Variants in ATG4C observed in about 807,000 individuals in gnomAD.
ATG4C encodes the protein cysteine protease ATG4C.
A neutral mutation model predicts 57.6 loss-of-function variants in ATG4C; 56 were observed. That is an observed-to-expected ratio of 0.97 (90% CI 0.78 to 1.21). The LOEUF is 1.21. Ranked by LOEUF, ATG4C falls within the 50% of genes most tolerant of loss-of-function variation. The probability of loss-of-function intolerance (pLI) is 0.00; values close to 1 mark genes in which losing one functional copy is unlikely to be tolerated. For synonymous variants in ATG4C, 157 were observed against 174.1 expected (o/e 0.90, Z 0.78); for missense variants, 595 against 529.8 (o/e 1.12, Z -1.21).
rs950670423 is a variant in ATG4C, at chr1:62,865,103, G to A, written c.*944G>A. 1 of 151,890 alleles carries A rather than the reference G, an allele frequency of 6.6e-6. No individual in the cohort carries two copies. Among genetic ancestry groups the A allele is most frequent in the Non-Finnish European group, 1.5e-5 (1 of 67,824 alleles). 9.4% of individuals were successfully genotyped at this position (151,890 alleles called of 1,614,324 possible). ...AAATTTGTGATCTAAAAGTACAAGA[G>A]TGATTTTTGAGCTAGGATTATAAAA... On this transcript the variant is annotated 3_prime_UTR_variant, in exon 11 of 11. Coordinates refer to ENST00000317868, the MANE Select transcript of ATG4C (RefSeq NM_032852.4).
At chr1:62,801,533 G>A (rs1353846725) in intron 1 of ATG4C, among the ~76,000 whole-genome samples, 1 of 152,180 alleles carries the variant, frequency 6.6e-6, no homozygotes, top group Non-Finnish European at 1.5e-5. Context: ...AGCACTTTGG[G>A]AGACCAAGGT....
At chr1:62,796,815 C>T (rs950060727) in intron 1 of ATG4C, among the ~76,000 whole-genome samples, 2 of 151,906 alleles carry the variant, frequency 1.3e-5, no homozygotes, top group African/African-American at 2.4e-5. Flanking sequence ...TTCTTAGATG[C>T]CAACATTATG....
chr1:62,858,346 C>T (rs1439078390), intron 10 of ATG4C, among the ~76,000 whole-genome samples: 1 of 152,188 alleles, frequency 6.6e-6, no homozygotes, highest in Non-Finnish European at 1.5e-5. Context: ...CAGAACAAAA[C>T]TACCTATGCT....
intron 1 of ATG4C, among the ~76,000 whole-genome samples, chr1:62,793,163 G>A (rs1302642348): frequency 1.3e-5 from 2 of 151,872 alleles, no homozygotes; most frequent in Admixed American, 1.3e-4. Context: ...TGGGACTACA[G>A]GCGTGAGCCA....
At chr1:62,842,364 C>T (rs962021316) in intron 10 of ATG4C, among the ~76,000 whole-genome samples, 13 of 149,580 alleles carry the variant, frequency 8.7e-5, no homozygotes, top group South Asian at 2.1e-4. Context: ...TGCAATGGCG[C>T]GATCTCGGCT....
intron 10 of ATG4C, among the ~76,000 whole-genome samples, chr1:62,857,399 A>G (rs1666718853): frequency 6.6e-6 from 1 of 152,134 alleles, no homozygotes; most frequent in Non-Finnish European, 1.5e-5. Flanking sequence ...ACTGTCTCCC[A>G]TCATCCCCAG....
At chr1:62,800,823 A>G (rs1664632750) in intron 1 of ATG4C, among the ~76,000 whole-genome samples, 1 of 152,206 alleles carries the variant, frequency 6.6e-6, no homozygotes, top group South Asian at 2.1e-4. Context: ...AGTGCAATGA[A>G]TGTGGTGATA....
At chr1:62,861,207 A>G (rs975176146) in intron 10 of ATG4C, among the ~76,000 whole-genome samples, 1 of 152,158 alleles carries the variant, frequency 6.6e-6, no homozygotes, top group Admixed American at 6.5e-5. Context: ...TTTTTTAAAT[A>G]ATAGTTTTCT....
chr1:62,815,138 G>A (rs1016520786), intron 3 of ATG4C, among the ~76,000 whole-genome samples: 6 of 151,564 alleles, frequency 4.0e-5, no homozygotes, highest in Admixed American at 6.6e-5. Flanking sequence ...ATAAAGCTAG[G>A]TTTAAATGTA....
intron 10 of ATG4C, among the ~76,000 whole-genome samples, chr1:62,842,191 A>G (rs926783971): frequency 6.6e-6 from 1 of 152,196 alleles, no homozygotes; most frequent in African/African-American, 2.4e-5. Context: ...TAGAAAATAA[A>G]AAAAGACTGC....
chr1:62,846,455 T>C (rs1451403638), intron 10 of ATG4C, among the ~76,000 whole-genome samples: 5 of 152,160 alleles, frequency 3.3e-5, no homozygotes, highest in African/African-American at 9.7e-5. Context: ...AAATATCAGT[T>C]ATAGTCCAAG....
At chr1:62,859,786 C>T (rs1371551161) in intron 10 of ATG4C, among the ~76,000 whole-genome samples, 1 of 151,948 alleles carries the variant, frequency 6.6e-6, no homozygotes, top group Non-Finnish European at 1.5e-5. Flanking sequence ...ACCTCCGCCT[C>T]CCAGGTTCAA....
At chr1:62,792,988 G>A (rs905113955) in intron 1 of ATG4C, among the ~76,000 whole-genome samples, 9 of 151,390 alleles carry the variant, frequency 5.9e-5, no homozygotes, top group African/African-American at 2.4e-5. Flanking sequence ...CCGGGTTCAC[G>A]CCATTCTCCT....
At chr1:62,795,063 A>G (rs1664416280) in intron 1 of ATG4C, among the ~76,000 whole-genome samples, 1 of 152,246 alleles carries the variant, frequency 6.6e-6, no homozygotes, top group Non-Finnish European at 1.5e-5. Flanking sequence ...TAGCAGCAGA[A>G]TACTATTTGA....
intron 3 of ATG4C, among the ~76,000 whole-genome samples, chr1:62,805,466 T>C (rs1353398050): frequency 1.3e-5 from 2 of 152,118 alleles, no homozygotes; most frequent in African/African-American, 4.8e-5. Context: ...ATCCCCATAA[T>C]TTTGGACTTA....
At chr1:62,838,176 A>G (rs368913486) in intron 9 of ATG4C, among the ~76,000 whole-genome samples, 141 of 152,302 alleles carry the variant, frequency 9.3e-4, no homozygotes, top group African/African-American at 3.0e-3. Context: ...TTGGTAAACA[A>G]TGTATCAAAA....
At chr1:62,789,107 G>A (rs1239688517) in intron 1 of ATG4C, among the ~76,000 whole-genome samples, 1 of 152,132 alleles carries the variant, frequency 6.6e-6, no homozygotes, top group African/African-American at 2.4e-5. Context: ...CCTATCCAGT[G>A]ATTTTAGTAG....
chr1:62,827,552 A>G (rs1178589507), intron 6 of ATG4C, among the ~76,000 whole-genome samples: 1 of 152,158 alleles, frequency 6.6e-6, no homozygotes, highest in East Asian at 1.9e-4. Context: ...TGCATGCTCA[A>G]GAAGAGTGGG....
At chr1:62,788,929 A>G (rs1664175832) in intron 1 of ATG4C, among the ~76,000 whole-genome samples, 1 of 151,406 alleles carries the variant, frequency 6.6e-6, no homozygotes, top group African/African-American at 2.4e-5. Context: ...CCATTTAATC[A>G]TATTAGGATT....
Sources: allele counts gnomAD v4.1 joint callset (sites outside exome capture counted in the v4.1 genomes callset), GRCh38; gene constraint gnomAD v4.1.1; transcripts MANE v1.5; gene names NCBI Gene and HGNC (gene_info 2026-07-23, HGNC 2026-07-21).